Variants in TXNDC16 observed in about 807,000 individuals in gnomAD.
The protein encoded by TXNDC16 is thioredoxin domain-containing protein 16.
A neutral mutation model predicts 85.6 loss-of-function variants in TXNDC16; 74 were observed. The observed-to-expected ratio is 0.86, with a 90% CI of 0.72 to 1.05. The LOEUF is 1.05. Among genes scored for constraint, TXNDC16 ranks in the 50% least tolerant of loss-of-function variants. TXNDC16 has a pLI of 0.00. For synonymous variants in TXNDC16, 335 were observed against 326.5 expected (o/e 1.03, Z -0.28); for missense variants, 959 against 947.0 (o/e 1.01, Z -0.17).
chr14:52,526,679 A>C (rs932606387), intron 6 of TXNDC16, among the ~76,000 whole-genome samples: 2 of 152,210 alleles, frequency 1.3e-5, no homozygotes, highest in African/African-American at 4.8e-5. Flanking sequence ...CATCCTTACA[A>C]TCTCCACCAA....
chr14:52,543,339 C>A, intron 3 of TXNDC16, 59 bp downstream of exon 3: 1 of 1,526,140 alleles, frequency 6.6e-7, no homozygotes, highest in African/African-American at 1.4e-5. Flanking sequence ...ACTGAACTTA[C>A]TGATTAAATA....
At chr14:52,484,198 A>AGGG (rs71125109) in intron 12 of TXNDC16, among the ~76,000 whole-genome samples, 41 of 140,448 alleles carry the variant, frequency 2.9e-4, no homozygotes, top group Admixed American at 6.4e-4. Flanking sequence ...CAAAACAATA[A>AGGG]GGGGGGGGGG....
Position 52,531,580 on chromosome 14 carries a change from T to C in TXNDC16, c.392+5139A>G, listed in dbSNP as rs1208806002. ...CAAGATGAAAAGGCTACATGCTATA[T>C]GATTCCAATTGTATCACATCTGGAA... is the stretch of plus-strand genomic sequence containing the variant. On this transcript the variant is annotated intron_variant, in intron 6 of 20. Coordinates refer to ENST00000281741, the MANE Select transcript of TXNDC16 (RefSeq NM_020784.3). Among the ~76,000 whole-genome samples the C allele has an allele frequency of 2.6e-5, 4 of 152,288 alleles. No homozygotes were observed. In the East Asian group the frequency reaches 7.7e-4, roughly 29 times the overall value.
intron 9 of TXNDC16, among the ~76,000 whole-genome samples, chr14:52,495,284 G>T (rs1222429094): frequency 1.3e-5 from 2 of 152,198 alleles, no homozygotes; most frequent in African/African-American, 2.4e-5. Context: ...CTCAGCCAGG[G>T]CTGTGGTCTA....
chr14:52,435,524 A>G (rs2035005731), intron 20 of TXNDC16, among the ~76,000 whole-genome samples: 2 of 152,230 alleles, frequency 1.3e-5, no homozygotes, highest in Non-Finnish European at 2.9e-5. Context: ...GTCTCCTTCC[A>G]GATCCACTTA....
chr14:52,487,178 G>T (rs1399055009), intron 12 of TXNDC16, among the ~76,000 whole-genome samples: 6 of 152,124 alleles, frequency 3.9e-5, no homozygotes, highest in Non-Finnish European at 7.3e-5. Flanking sequence ...GGAAACAAGA[G>T]ACCAGAACAC....
At chr14:52,520,715 A>T (rs1036476888) in intron 6 of TXNDC16, among the ~76,000 whole-genome samples, 16 of 152,206 alleles carry the variant, frequency 1.1e-4, no homozygotes, top group Non-Finnish European at 2.2e-4. Flanking sequence ...GTGCATAAGT[A>T]TGTATTTTTG....
intron 9 of TXNDC16, among the ~76,000 whole-genome samples, chr14:52,496,120 G>A (rs1311471013): frequency 6.0e-5 from 9 of 150,504 alleles, no homozygotes; most frequent in Non-Finnish European, 7.4e-5. Flanking sequence ...AGATCGCTCC[G>A]CTGCACTCCA....
At chr14:52,499,449 A>G (rs531195649) in intron 9 of TXNDC16, among the ~76,000 whole-genome samples, 1 of 152,250 alleles carries the variant, frequency 6.6e-6, no homozygotes, top group African/African-American at 2.4e-5. Flanking sequence ...CAAATAACTC[A>G]ATTTTTTAAA....
intron 6 of TXNDC16, among the ~76,000 whole-genome samples, chr14:52,532,034 A>G (rs2037592801): frequency 6.6e-6 from 1 of 152,178 alleles, no homozygotes; most frequent in African/African-American, 2.4e-5. Flanking sequence ...ATTTATAACA[A>G]TGGAATAAGG....
At chr14:52,468,621 T>C (rs1345892404) in intron 16 of TXNDC16, among the ~76,000 whole-genome samples, 1 of 152,192 alleles carries the variant, frequency 6.6e-6, no homozygotes, top group Non-Finnish European at 1.5e-5. Flanking sequence ...CTCATGCCTA[T>C]ACTACCAGCA....
chr14:52,464,714 T>A (rs951601510), intron 16 of TXNDC16, among the ~76,000 whole-genome samples: 1 of 152,104 alleles, frequency 6.6e-6, no homozygotes, highest in African/African-American at 2.4e-5. Context: ...GGCAGATCAC[T>A]ACAGGCCAGG....
intron 16 of TXNDC16, among the ~76,000 whole-genome samples, chr14:52,457,582 C>T (rs2035563683): frequency 6.6e-6 from 1 of 152,138 alleles, no homozygotes; most frequent in Non-Finnish European, 1.5e-5. Context: ...ACCATAAAAT[C>T]TGAAAGTATC....
intron 14 of TXNDC16, among the ~76,000 whole-genome samples, chr14:52,481,278 T>C (rs1173901131): frequency 2.0e-5 from 3 of 151,662 alleles, no homozygotes; most frequent in Non-Finnish European, 4.4e-5. Flanking sequence ...TGCACCAATA[T>C]CTCACAAATC....
chr14:52,462,401 G>T (rs558595948), intron 16 of TXNDC16, among the ~76,000 whole-genome samples: 4 of 152,136 alleles, frequency 2.6e-5, no homozygotes, highest in East Asian at 3.9e-4. Context: ...TGCAATCTCC[G>T]CCTCCTGGGT....
chr14:52,543,560 T>C lies in TXNDC16; in HGVS notation c.-3A>G. 2 of 1,612,930 alleles carry C rather than the reference T, an allele frequency of 1.2e-6. No homozygotes were observed. Among genetic ancestry groups the C allele is most frequent in the Non-Finnish European group, 1.7e-6 (2 of 1,179,412 alleles). On this transcript the variant is annotated 5_prime_UTR_variant, in exon 3 of 21. Transcript: ENST00000281741. ...AAGACATTGAAGCCGGAAAACATTATCAGCTGCAGTTGTATCTGAGCGGAT... is the reference window on the plus strand; with the variant it reads ...AAGACATTGAAGCCGGAAAACATTACCAGCTGCAGTTGTATCTGAGCGGAT...
At chr14:52,478,596 A>G (rs1045578417) in intron 14 of TXNDC16, among the ~76,000 whole-genome samples, 1 of 152,072 alleles carries the variant, frequency 6.6e-6, no homozygotes, top group Non-Finnish European at 1.5e-5. Flanking sequence ...GAAAGATACA[A>G]CCTTCTTAGC....
chr14:52,480,145 T>C (rs2036112974), intron 14 of TXNDC16, among the ~76,000 whole-genome samples: 2 of 152,168 alleles, frequency 1.3e-5, no homozygotes. Flanking sequence ...ATCTCTCACC[T>C]TATACAAAAT....
rs771657526 is a variant in TXNDC16 at position 52,439,301 on chromosome 14, A to G, written c.2097T>C (p.Gly699=). ...CTGAAGGAAATGCAAATACTTGGCC[A>G]CCTGAATGCAGATTCACCAAAACAA... ...PLLVLVNLHS[G]GQVFAFPSDQ... is the part of the protein sequence containing the mutation. The change falls in exon 20 of 21, where the codon GGT becomes GGC. Residue 699 remains glycine, a synonymous_variant. Transcript: ENST00000281741. 5 of 1,613,988 alleles carry G rather than the reference A, an allele frequency of 3.1e-6. No homozygotes were observed. The highest frequency in any genetic ancestry group is 4.2e-6 in the Non-Finnish European group (5 of 1,180,002).
Sources: allele counts gnomAD v4.1 joint callset (sites outside exome capture counted in the v4.1 genomes callset), GRCh38; gene constraint gnomAD v4.1.1; transcripts MANE v1.5; gene names NCBI Gene and HGNC (gene_info 2026-07-23, HGNC 2026-07-21).